The following SYN2 variants were observed in gnomAD, a reference collection of about 807,000 sequenced individuals.
SYN2 encodes the protein synapsin-2.
A neutral mutation model predicts 50.9 loss-of-function variants in SYN2; 19 were observed. The ratio of observed to expected loss-of-function variants is 0.37; its 90% confidence interval spans 0.26 to 0.55. The LOEUF (loss-of-function observed/expected upper bound fraction) is 0.55. Ranked by LOEUF, SYN2 falls within the 20% of genes least tolerant of loss-of-function variation. The probability of loss-of-function intolerance (pLI) is 0.81; values close to 1 mark genes in which losing one functional copy is unlikely to be tolerated. For synonymous variants in SYN2, 255 were observed against 224.9 expected, an observed-to-expected ratio of 1.13 and a Z score of -1.20; for missense variants, 587 against 576.4, an observed-to-expected ratio of 1.02 and a Z score of -0.19.
intron 5 of SYN2, among the ~76,000 whole-genome samples, chr3:12,157,115 AAAC>A (rs2125230909): frequency 6.6e-6 from 1 of 152,256 alleles, no homozygotes; most frequent in South Asian, 2.1e-4. Context: ...CAACAACAAA[AAAC>A]ACCTAAACCT....
chr3:12,095,905 A>G (rs1323733238), intron 1 of SYN2, among the ~76,000 whole-genome samples: 1 of 152,110 alleles, frequency 6.6e-6, no homozygotes, highest in Non-Finnish European at 1.5e-5. Context: ...TTGAACTTCA[A>G]ATATCTGCAT....
intron 10 of SYN2, 99 bp from the exon 11 acceptor site, chr3:12,183,213 C>G: frequency 6.8e-7 from 1 of 1,469,430 alleles, no homozygotes; most frequent in Non-Finnish European, 9.1e-7. Context: ...CCAGGTCCCA[C>G]CGGATTCCAC....
intron 1 of SYN2, among the ~76,000 whole-genome samples, chr3:12,092,498 C>G (rs1695851741): frequency 1.3e-5 from 2 of 152,128 alleles, no homozygotes; most frequent in African/African-American, 4.8e-5. Flanking sequence ...GGGGTCATAT[C>G]TGAATGGCTT....
intron 1 of SYN2, among the ~76,000 whole-genome samples, chr3:12,124,185 CAAAATA>C (rs1696618126): frequency 6.6e-6 from 1 of 151,576 alleles, no homozygotes; most frequent in Non-Finnish European, 1.5e-5. Context: ...TAAAGCAAAA[CAAAATA>C]AAAATAGAAA....
intron 1 of SYN2, among the ~76,000 whole-genome samples, chr3:12,055,025 C>A (rs944050551): frequency 6.6e-6 from 1 of 151,866 alleles, no homozygotes; most frequent in Non-Finnish European, 1.5e-5. Flanking sequence ...ATCTGAATGC[C>A]AAAATTAAAA....
intron 1 of SYN2, among the ~76,000 whole-genome samples, chr3:12,007,933 C>T (rs543264854): frequency 2.0e-5 from 3 of 152,060 alleles, no homozygotes; most frequent in East Asian, 1.9e-4. Context: ...ACTAAAAGAT[C>T]GTTGAAAAAT....
At chr3:12,114,281 A>G (rs1392643358) in intron 1 of SYN2, among the ~76,000 whole-genome samples, 4 of 152,120 alleles carry the variant, frequency 2.6e-5, no homozygotes, top group South Asian at 4.1e-4. Flanking sequence ...CCTTTGCCCA[A>G]TTTTTAATTC....
At chr3:12,094,057 G>A (rs1437069667) in intron 1 of SYN2, among the ~76,000 whole-genome samples, 6 of 152,078 alleles carry the variant, frequency 3.9e-5, no homozygotes, top group Non-Finnish European at 7.4e-5. Context: ...GATTTCACAT[G>A]TTGGCCAGGC....
chr3:12,026,506 G>C (rs886652115), intron 1 of SYN2, among the ~76,000 whole-genome samples: 3 of 152,154 alleles, frequency 2.0e-5, no homozygotes, highest in Non-Finnish European at 4.4e-5. Context: ...GCTGGGGAAG[G>C]ATTAACAACA....
chr3:12,017,689 C>T (rs1404326105), intron 1 of SYN2, among the ~76,000 whole-genome samples: 1 of 152,130 alleles, frequency 6.6e-6, no homozygotes, highest in African/African-American at 2.4e-5. Flanking sequence ...GTGAATGTTC[C>T]ACCATGACAA....
intron 1 of SYN2, among the ~76,000 whole-genome samples, chr3:12,072,172 T>C (rs1695370446): frequency 6.6e-6 from 1 of 152,230 alleles, no homozygotes; most frequent in African/African-American, 2.4e-5. Flanking sequence ...TTTTGACTGT[T>C]TTAGAATTCG....
chr3:12,154,498 G>A, intron 5 of SYN2: 2 of 1,604,810 alleles, frequency 1.2e-6, no homozygotes, highest in Non-Finnish European at 1.7e-6. Flanking sequence ...TTCTTCTCCT[G>A]GAGCCCCAGG....
chr3:12,174,039 C>T (rs576693651), intron 10 of SYN2, among the ~76,000 whole-genome samples: 25 of 152,182 alleles, frequency 1.6e-4, no homozygotes, highest in African/African-American at 5.5e-4. Context: ...CCCCTGAGGC[C>T]CCCCCGCCCA....
rs755551846 is a variant in SYN2, at chr3:12,187,431, C to T, written c.1432C>T (p.Pro478Ser). 5 of 1,552,578 alleles carry T rather than the reference C, an allele frequency of 3.2e-6. No homozygotes were observed. Among genetic ancestry groups the T allele is most frequent in the South Asian group, 1.2e-5 (1 of 84,086 alleles). ...CAAGGTGCTGCCTCCACGCCGGCTC[C>T]CCCCTGGACCATCACTGCCACCTTC... is the stretch of plus-strand genomic sequence containing the variant. Reference protein sequence around the residue: ...PGKVLPPRRLPPGPSLPPSSS... With the variant: ...PGKVLPPRRLSPGPSLPPSSS... The change falls in exon 12 of 13, where the codon CCC becomes TCC. Residue 478 changes from proline (P) to serine (S), a missense_variant. Pro to Ser is a moderately conservative substitution (Grantham distance 74). Transcript: ENST00000621198.
intron 1 of SYN2, among the ~76,000 whole-genome samples, chr3:12,009,782 T>A (rs1311850919): frequency 2.0e-5 from 3 of 152,220 alleles, no homozygotes; most frequent in Admixed American, 1.3e-4. Context: ...TATGTTATTG[T>A]TGTTTCAGCA....
chr3:12,063,818 G>A (rs2125163897), intron 1 of SYN2, among the ~76,000 whole-genome samples: 1 of 151,934 alleles, frequency 6.6e-6, no homozygotes, highest in East Asian at 1.9e-4. Flanking sequence ...GGTCCATACT[G>A]ATGCAAATAA....
chr3:12,188,687 G>A (rs868467260), intron 12 of SYN2, among the ~76,000 whole-genome samples: 4 of 152,252 alleles, frequency 2.6e-5, no homozygotes, highest in Non-Finnish European at 2.9e-5. Context: ...CAGGTGTCCA[G>A]ATGGTCACTT....
At chr3:12,139,021 C>A (rs868613383) in intron 1 of SYN2, among the ~76,000 whole-genome samples, 1 of 152,094 alleles carries the variant, frequency 6.6e-6, no homozygotes, top group Non-Finnish European at 1.5e-5. Context: ...CTGAGGGGCT[C>A]GCTGAGCTGT....
chr3:12,027,764 A>G (rs1694292707), intron 1 of SYN2, among the ~76,000 whole-genome samples: 1 of 152,156 alleles, frequency 6.6e-6, no homozygotes, highest in Non-Finnish European at 1.5e-5. Context: ...TTCAAAACCC[A>G]TGTTTCTTTC....
Sources: allele counts gnomAD v4.1 joint callset (sites outside exome capture counted in the v4.1 genomes callset), GRCh38; gene constraint gnomAD v4.1.1; transcripts MANE v1.5; gene names NCBI Gene and HGNC (gene_info 2026-07-23, HGNC 2026-07-21).